Variants in NKAIN3 observed in about 807,000 individuals in gnomAD.
The protein encoded by NKAIN3 is sodium/potassium-transporting ATPase subunit beta-1-interacting protein 3.
Under a neutral mutation model 30.2 loss-of-function variants are expected in NKAIN3, and 25 were observed. That is an observed-to-expected ratio of 0.83 (90% CI 0.60 to 1.16). NKAIN3 has a LOEUF of 1.16. Among genes scored for constraint, NKAIN3 ranks in the 50% most tolerant of loss-of-function variants. NKAIN3 has a pLI of 0.00. For synonymous variants in NKAIN3, 91 were observed against 89.6 expected (o/e 1.02, Z -0.09); for missense variants, 225 against 254.1 (o/e 0.89, Z 0.78).
At chr8:62,362,130 A>G (rs1487064919) in intron 1 of NKAIN3, among the ~76,000 whole-genome samples, 3 of 152,216 alleles carry the variant, frequency 2.0e-5, no homozygotes, top group East Asian at 1.9e-4. Context: ...AGAGAAAAAC[A>G]TAAATATTGA....
Position 62,870,215 on chromosome 8 carries a change from T to TATATCTATATCTATATATAG in NKAIN3, c.472-48228_472-48209dup, listed in dbSNP as rs1554586531. 9.6e-4 allele frequency among the ~76,000 whole-genome samples: 115 copies of TATATCTATATCTATATATAG among 119,542 alleles called. 3 individuals carry two copies. Among genetic ancestry groups the TATATCTATATCTATATATAG allele is most frequent in the African/African-American group, 3.1e-3 (98 of 31,978 alleles). 78.4% of individuals were successfully genotyped at this position (119,542 alleles called of 152,430 possible). ...CCTAATAAACTCTATTTTGTATATATATATCTATATCTATATATAGATATC... is the reference window on the plus strand; with the variant it reads ...CCTAATAAACTCTATTTTGTATATATATATCTATATCTATATATAGATATCTATATCTATATATAGATATC... On this transcript the variant is annotated intron_variant, in intron 4 of 6. Transcript: ENST00000623646.
chr8:62,769,446 T>G (rs1389460928), intron 4 of NKAIN3, among the ~76,000 whole-genome samples: 1 of 152,228 alleles, frequency 6.6e-6, no homozygotes, highest in Non-Finnish European at 1.5e-5. Context: ...AAATTGGAGT[T>G]CTGTCTATAT....
intron 1 of NKAIN3, among the ~76,000 whole-genome samples, chr8:62,488,708 C>T (rs183363148): frequency 3.7e-4 from 56 of 152,214 alleles, no homozygotes; most frequent in Admixed American, 7.2e-4. Context: ...TAGGAGATAA[C>T]GACATCTGAA....
Position 62,884,261 on chromosome 8 carries a change from A to AT in NKAIN3, c.472-34178dup, listed in dbSNP as rs11321774. On this transcript the variant is annotated intron_variant, in intron 4 of 6. Coordinates refer to ENST00000623646, the MANE Select transcript of NKAIN3 (RefSeq NM_001304533.3). ...TATTTTCTGGAACAGATTTTAGAGA[A>AT]TTTTTTTTTTTTTTGAGATGGAGTT... Among the ~76,000 whole-genome samples, 647 of 146,526 alleles carry AT rather than the reference A, an allele frequency of 4.4e-3. 1 individual carries two copies. The highest frequency in any genetic ancestry group is 0.015 in the South Asian group (68 of 4,610).
intron 4 of NKAIN3, among the ~76,000 whole-genome samples, chr8:62,814,731 A>T (rs544908651): frequency 6.6e-6 from 1 of 152,106 alleles, no homozygotes. Flanking sequence ...CATTCAAAGC[A>T]GTGTGTAGAG....
At chr8:62,952,881 A>T (rs989245284) in intron 5 of NKAIN3, among the ~76,000 whole-genome samples, 1 of 152,166 alleles carries the variant, frequency 6.6e-6, no homozygotes, top group Admixed American at 6.5e-5. Flanking sequence ...ATGGAGCCCC[A>T]GTTTTTAATT....
In NKAIN3 at chr8:62,345,495, A is replaced by ATATATG. The variant is rs1273676191; in HGVS notation, c.54+96368_54+96369insTATATG. Reference sequence around the variant, plus strand: ...TATACACATATATGTATATATACACACATATATACACATATATACACATAT... The same window carrying ATATATG: ...TATACACATATATGTATATATACACATATATGCATATATACACATATATACACATAT... On this transcript the variant is annotated intron_variant, in intron 1 of 6. Coordinates refer to ENST00000623646, the MANE Select transcript of NKAIN3 (RefSeq NM_001304533.3). Among the ~76,000 whole-genome samples, 12 of 8,848 alleles carry ATATATG rather than the reference A, an allele frequency of 1.4e-3. 1 individual carries two copies. The highest frequency in any genetic ancestry group is 3.7e-3 in the Non-Finnish European group (9 of 2,416). 5.8% of individuals were successfully genotyped at this position (8,848 alleles called of 152,430 possible).
intron 4 of NKAIN3, among the ~76,000 whole-genome samples, chr8:62,813,940 T>G (rs1324126996): frequency 6.6e-6 from 1 of 152,060 alleles, no homozygotes; most frequent in Non-Finnish European, 1.5e-5. Context: ...CAGGTTTTTC[T>G]TTTAGTGCTA....
Position 62,579,636 on chromosome 8 carries a change from T to G in NKAIN3, c.152T>G (p.Leu51Trp), listed in dbSNP as rs1324728725. Residue 51 changes from leucine to tryptophan, a missense_variant, in exon 2 of 7, where the codon TTG (leucine) becomes TGG (tryptophan). Leu to Trp is a moderately conservative substitution (Grantham distance 61). Coordinates refer to ENST00000623646, the MANE Select transcript of NKAIN3 (RefSeq NM_001304533.3). ...CACATAATAGTTGTCATATTGGGTT[T>G]GTTTGGGACCATTCAGTACAGACCT... ...FLHIIVVILGLFGTIQYRPRY... is the reference protein window; with the variant it reads ...FLHIIVVILGWFGTIQYRPRY... 1 of 1,609,210 alleles carries G rather than the reference T, an allele frequency of 6.2e-7. No individual in the cohort carries two copies. The highest frequency in any genetic ancestry group is 8.5e-7 in the Non-Finnish European group (1 of 1,176,682).
chr8:62,589,020 A>G (rs1223747801), intron 2 of NKAIN3, among the ~76,000 whole-genome samples: 1 of 151,842 alleles, frequency 6.6e-6, no homozygotes, highest in Non-Finnish European at 1.5e-5. Context: ...CTCTGGGAGA[A>G]GGTATTTCCT....
intron 5 of NKAIN3, chr8:62,999,105 T>A (rs1413846751): frequency 6.6e-6 from 1 of 152,210 alleles, no homozygotes; most frequent in African/African-American, 2.4e-5. Context: ...CCTTATATAT[T>A]TTGAATAGTA....
intron 1 of NKAIN3, among the ~76,000 whole-genome samples, chr8:62,251,627 A>C (rs1035853934): frequency 3.9e-5 from 6 of 152,168 alleles, no homozygotes; most frequent in African/African-American, 1.4e-4. Context: ...TTATTTCCTC[A>C]GTTTCTTTCA....
chr8:62,256,249 T>TA (rs34324863), intron 1 of NKAIN3, among the ~76,000 whole-genome samples: 21 of 149,608 alleles, frequency 1.4e-4, no homozygotes, highest in South Asian at 4.3e-4. Flanking sequence ...CCTGTCTCTA[T>TA]AAAAAAAAAA....
rs527709921 is a variant in NKAIN3, at chr8:62,381,235, A to T, written c.54+132108A>T. ...GTCATTGATAAGTTCTCCTGTAGTT[A>T]AAATTTTTACCTGTTTTTTCTTTGT... On this transcript the variant is annotated intron_variant, in intron 1 of 6. Transcript: ENST00000623646. Among the ~76,000 whole-genome samples the T allele has an allele frequency of 1.2e-3, 187 of 152,224 alleles. 1 individual carries two copies. The highest frequency in any genetic ancestry group is 4.4e-3 in the African/African-American group (182 of 41,560).
chr8:62,729,026 A>AAAAAAAAAAAAAAG (rs1201002516), intron 3 of NKAIN3, among the ~76,000 whole-genome samples: 2 of 73,082 alleles, frequency 2.7e-5, no homozygotes, highest in Non-Finnish European at 6.0e-5. Flanking sequence ...AAACAAACCA[A>AAAAAAAAAAAAAAG]AAAAAAAAAA....
chr8:62,383,577 G>A (rs1803704595), intron 1 of NKAIN3: 1 of 452,384 alleles, frequency 2.2e-6, no homozygotes, highest in Non-Finnish European at 4.4e-6. Context: ...TTGGTTTGAA[G>A]AACATGCTTC....
intron 1 of NKAIN3, among the ~76,000 whole-genome samples, chr8:62,414,728 T>C (rs1336273094): frequency 6.6e-6 from 1 of 152,128 alleles, no homozygotes; most frequent in Non-Finnish European, 1.5e-5. Flanking sequence ...TAGTCAGCAG[T>C]CAGTATTTAA....
At chr8:62,828,888 A>G (rs1819109820) in intron 4 of NKAIN3, among the ~76,000 whole-genome samples, 1 of 152,136 alleles carries the variant, frequency 6.6e-6, no homozygotes, top group Admixed American at 6.6e-5. Context: ...CAGACATGTG[A>G]GTGAGTGAGG....
intron 1 of NKAIN3, among the ~76,000 whole-genome samples, chr8:62,466,166 G>A (rs76947291): frequency 0.03 from 4,523 of 152,200 alleles, 259 homozygotes; most frequent in African/African-American, 0.1. Flanking sequence ...GAAAGTTCAA[G>A]TTAATAATGT....
Sources: allele counts gnomAD v4.1 joint callset (sites outside exome capture counted in the v4.1 genomes callset), GRCh38; gene constraint gnomAD v4.1.1; transcripts MANE v1.5; gene names NCBI Gene and HGNC (gene_info 2026-07-23, HGNC 2026-07-21).